Variants in FN1 observed in about 807,000 individuals in gnomAD.
The protein encoded by FN1 is fibronectin 1, also known as fibronectin.
FN1 carries 106 observed loss-of-function variants against 297.3 expected under a neutral mutation model. That is an observed-to-expected ratio of 0.36 (90% CI 0.30 to 0.42). The LOEUF is 0.42. Among genes scored for constraint, FN1 ranks in the 10% least tolerant of loss-of-function variants. The pLI, the probability that FN1 is intolerant of heterozygous loss-of-function variation, is 1.00. For missense variants in FN1, 2,690 were observed against 3,124.9 expected, an observed-to-expected ratio of 0.86 and a Z score of 3.32; for synonymous variants, 1,149 against 1,152.6, an observed-to-expected ratio of 1.00 and a Z score of 0.06.
At chr2:215,366,383 A>G (rs2054606706) in intron 42 of FN1, among the ~76,000 whole-genome samples, 1 of 152,210 alleles carries the variant, frequency 6.6e-6, no homozygotes, top group Non-Finnish European at 1.5e-5. Flanking sequence ...TCAATTAACC[A>G]TAAAACAAGG....
rs2057840992 is a variant in FN1, at chr2:215,379,276, G to A, written c.5476C>T (p.Pro1826Ser). Reference protein sequence around the residue: ...PTDLKFTQVTPTSLSAQWTPP... With the variant: ...PTDLKFTQVTSTSLSAQWTPP... Reference sequence around the variant, plus strand: ...GTCCACTGGGCGCTCAGGCTTGTGGGTGTGACCTGAGTGAACTTCAGGTCA... The same window carrying A: ...GTCCACTGGGCGCTCAGGCTTGTGGATGTGACCTGAGTGAACTTCAGGTCA... Residue 1826 changes from proline (P) to serine (S), a missense_variant, in exon 34 of 46, where the codon CCC (proline) becomes TCC (serine). Physicochemically the swap from Pro to Ser is moderately conservative, Grantham distance 74. Transcript: ENST00000354785. The A allele has an allele frequency of 1.2e-6, 2 of 1,614,010 alleles. No homozygotes were observed. The highest frequency in any genetic ancestry group is 1.7e-5 in the Admixed American group (1 of 59,996).
In FN1 at chr2:215,391,618, A is replaced by G. The variant is rs1441919622; in HGVS notation, c.4252+14T>C. The stretch of plus-strand genomic sequence containing the variant: ...AGGTTAATATTTATGGAACAGATAC[A>G]TTCAACTGCTTACTTGTTAAGACCA... On this transcript the variant is annotated intron_variant, in intron 26 of 45. Transcript: ENST00000354785. The G allele has an allele frequency of 1.2e-6, 2 of 1,605,386 alleles. No homozygotes were observed. Among genetic ancestry groups the G allele is most frequent in the African/African-American group, 2.7e-5 (2 of 74,780 alleles).
intron 13 of FN1, among the ~76,000 whole-genome samples, chr2:215,411,961 C>T (rs536936157): frequency 6.6e-6 from 1 of 152,108 alleles, no homozygotes; most frequent in African/African-American, 2.4e-5. Context: ...GCCACTGCGC[C>T]TGGCCCAAAG....
chr2:215,371,899 A>C lies in FN1; in HGVS notation c.6714+10T>G, dbSNP rs2056255617. 10 of 1,604,068 alleles carry C rather than the reference A, an allele frequency of 6.2e-6. No individual in the cohort carries two copies. The highest frequency in any genetic ancestry group is 8.5e-6 in the Non-Finnish European group (10 of 1,170,858). Reference sequence around the variant, plus strand: ...CTGCCCCATGAGAAGTGAAGAGAACAATTAATTACCTGTAAGGGTTCTTCA... The same window carrying C: ...CTGCCCCATGAGAAGTGAAGAGAACCATTAATTACCTGTAAGGGTTCTTCA... On this transcript the variant is annotated intron_variant, in intron 40 of 45. Coordinates refer to ENST00000354785, the MANE Select transcript of FN1 (RefSeq NM_212482.4).
intron 13 of FN1, among the ~76,000 whole-genome samples, chr2:215,411,293 CTAATA>C (rs1220535766): frequency 3.3e-5 from 5 of 152,190 alleles, no homozygotes; most frequent in East Asian, 3.8e-4. Flanking sequence ...ATACTCTAAA[CTAATA>C]TAAGTCAAAA....
intron 20 of FN1, among the ~76,000 whole-genome samples, chr2:215,401,268 A>AAGGAAGGAAGGAAGGAAGGAAGGAAAGGG (rs1437571807): frequency 1.2e-5 from 1 of 85,422 alleles, no homozygotes; most frequent in African/African-American, 4.8e-5. Flanking sequence ...GAAAGGAAGG[A>AAGGAAGGAAGGAAGGAAGGAAGGAAAGGG]AAGGAAAGGA....
intron 1 of FN1, among the ~76,000 whole-genome samples, 184 bp downstream of exon 1, chr2:215,435,468 TATC>T: frequency 6.6e-6 from 1 of 152,180 alleles, no homozygotes; most frequent in East Asian, 1.9e-4. Flanking sequence ...TGCACGGTCT[TATC>T]ATCCCAGGCC....
At chr2:215,372,396 C>G (rs1360273555) in intron 39 of FN1, 21 bp from the exon 40 acceptor site, 5 of 1,589,978 alleles carry the variant, frequency 3.1e-6, no homozygotes, top group Non-Finnish European at 4.3e-6. Context: ...GAGGTTAGAG[C>G]CAAAAAAGCA....
At chr2:215,362,306 C>A in intron 44 of FN1, 1 of 542,316 alleles carries the variant, frequency 1.8e-6, no homozygotes. Context: ...TTGTTTCTTT[C>A]TCCTGAAATG....
intron 20 of FN1, among the ~76,000 whole-genome samples, chr2:215,401,094 C>T (rs1024696859): frequency 5.1e-5 from 4 of 79,008 alleles, no homozygotes; most frequent in African/African-American, 1.9e-4. Context: ...TCACACCTGG[C>T]CAAAAAAAAA....
In FN1 at chr2:215,365,469, T is replaced by A. The variant is rs759900198; in HGVS notation, c.7144+36A>T. On this transcript the variant is annotated intron_variant, in intron 43 of 45. Transcript: ENST00000354785. ...AGCCTGATAATGAAAGTGAGAATGCTTAATAAGGCACTAAAAATGATCTGT... is the reference window on the plus strand; with the variant it reads ...AGCCTGATAATGAAAGTGAGAATGCATAATAAGGCACTAAAAATGATCTGT... 3.7e-6 allele frequency: 6 copies of A among 1,608,028 alleles called. No individual in the cohort carries two copies. In the Admixed American group the frequency reaches 8.3e-5, roughly 22 times the overall value.
intron 7 of FN1, 27 bp from the exon 8 acceptor site, chr2:215,424,352 G>T: frequency 6.3e-7 from 1 of 1,599,702 alleles, no homozygotes; most frequent in Non-Finnish European, 8.6e-7. Context: ...AAGAGTGTCA[G>T]TAAACAGAGA....
intron 26 of FN1, among the ~76,000 whole-genome samples, chr2:215,389,913 G>A (rs933478196): frequency 1.3e-5 from 2 of 152,216 alleles, no homozygotes; most frequent in South Asian, 4.1e-4. Context: ...GCATGTTACT[G>A]TACTGAACAC....
At chr2:215,433,872 C>A (rs1191872377) in intron 2 of FN1, among the ~76,000 whole-genome samples, 3 of 152,178 alleles carry the variant, frequency 2.0e-5, no homozygotes, top group African/African-American at 2.4e-5. Context: ...GAGGCTGAGG[C>A]GGGTGGATCA....
chr2:215,371,991 G>A lies in FN1; in HGVS notation c.6632C>T (p.Thr2211Ile). Reference protein sequence around the residue: ...STGQEALSQTTISWAPFQDTS... With the variant: ...STGQEALSQTIISWAPFQDTS... ...GTCCTGGAATGGGGCCCATGAGATG[G>A]TTGTCTGAGAGAGAGCTTCTTGTCC... Residue 2211 changes from threonine to isoleucine, a missense_variant, in exon 40 of 46, where the codon ACC (threonine) becomes ATC (isoleucine). Thr to Ile is a moderately conservative substitution (Grantham distance 89, BLOSUM62 -1). Coordinates refer to ENST00000354785, the MANE Select transcript of FN1 (RefSeq NM_212482.4). The A allele has an allele frequency of 1.9e-6, 3 of 1,614,216 alleles. No homozygotes were observed. The highest frequency in any genetic ancestry group is 2.5e-6 in the Non-Finnish European group (3 of 1,180,034).
At chr2:215,380,502 A>G (rs2058056168) in intron 33 of FN1, 2 of 399,994 alleles carry the variant, frequency 5.0e-6, no homozygotes, top group African/African-American at 2.0e-5. Context: ...TTCTTTATAC[A>G]TAGTGAGGGT....
rs536723077 is a variant in FN1, at chr2:215,385,332, C to T, written c.4613-356G>A. Among the ~76,000 whole-genome samples, 28 of 150,488 alleles carry T rather than the reference C, an allele frequency of 1.9e-4. No individual in the cohort carries two copies. In the South Asian group the frequency reaches 4.6e-3, roughly 25 times the overall value. The stretch of plus-strand genomic sequence containing the variant: ...ATCCCAGCACTTTGGGAGGCCGAGG[C>T]GGGTGGATCATTTGAGGTCAGGAGT... On this transcript the variant is annotated intron_variant, in intron 28 of 45. Transcript: ENST00000354785.
rs371349369 is a variant in FN1, at chr2:215,422,094, G to C, written c.1543C>G (p.Arg515Gly). The C allele has an allele frequency of 4.3e-6, 7 of 1,613,966 alleles. No individual in the cohort carries two copies. The African/African-American group carries it at 9.3e-5, about 22-fold the overall frequency. ...TTTTGTTAATCAGCCAGCATACCTC[G>C]AAGCTGCGAGTAGGCAATGCATGTC... ...EWTCIAYSQL[R>G]DQCIVDDITY... Residue 515 changes from arginine (R) to glycine (G), a missense_variant, in exon 10 of 46, where the codon CGA (arginine) becomes GGA (glycine). Physicochemically the swap from Arg to Gly is moderately radical, Grantham distance 125 (BLOSUM62 -2). This residue lies in a region of FN1 where 876 missense variants were observed against 1,058.1 expected (regional missense o/e 0.83). Transcript: ENST00000354785.
chr2:215,391,872 A>G, intron 25 of FN1, 58 bp from the exon 26 acceptor site: 2 of 1,462,348 alleles, frequency 1.4e-6, no homozygotes, highest in Non-Finnish European at 1.9e-6. Context: ...AAAGCTAACG[A>G]AGTAGCTGGA....
Sources: allele counts gnomAD v4.1 joint callset (sites outside exome capture counted in the v4.1 genomes callset), GRCh38; gene constraint gnomAD v4.1.1; regional missense constraint gnomAD v4.1.1; transcripts MANE v1.5; gene names NCBI Gene and HGNC (gene_info 2026-07-23, HGNC 2026-07-21).